Variants in AGBL1 observed in about 807,000 individuals in gnomAD.
AGBL1 encodes the protein AGBL carboxypeptidase 1.
A neutral mutation model predicts 118.9 loss-of-function variants in AGBL1; 130 were observed. The ratio of observed to expected loss-of-function variants is 1.09; its 90% CI spans 0.95 to 1.26. AGBL1 has a LOEUF of 1.26. AGBL1 is among the 50% of genes most tolerant of loss of function. The probability of loss-of-function intolerance (pLI) is 0.00; values close to 1 mark genes in which losing one functional copy is unlikely to be tolerated. For synonymous variants in AGBL1, 555 were observed against 478.9 expected (o/e 1.16, Z -2.08); for missense variants, 1,584 against 1,298.1 (o/e 1.22, Z -3.38).
rs201992775 is a variant in AGBL1 at position 86,857,683 on chromosome 15, A to G, written c.3159-49404A>G. The stretch of plus-strand genomic sequence containing the variant: ...TTTTATATACTCATGTGACTCTTTC[A>G]TTCAGACCTGGCTCCGTACTAGGCT... On this transcript the variant is annotated intron_variant, in intron 22 of 22. Transcript: ENST00000614907. 7.9e-5 allele frequency among the ~76,000 whole-genome samples: 12 copies of G among 152,272 alleles called. No individual in the cohort carries two copies. In the East Asian group the frequency reaches 2.3e-3, roughly 30 times the overall value.
chr15:86,449,277 C>T (rs1196309371), intron 18 of AGBL1, among the ~76,000 whole-genome samples: 4 of 152,120 alleles, frequency 2.6e-5, no homozygotes, highest in Admixed American at 6.6e-5. Flanking sequence ...ATGAATATAC[C>T]TTAGAAGGAT....
At chr15:86,677,514 A>T (rs977066016) in intron 22 of AGBL1, among the ~76,000 whole-genome samples, 1 of 152,140 alleles carries the variant, frequency 6.6e-6, no homozygotes, top group Non-Finnish European at 1.5e-5. Context: ...GGTCTTTTGC[A>T]AAGTCACTTA....
At chr15:86,347,589 T>A (rs2080558472) in intron 17 of AGBL1, among the ~76,000 whole-genome samples, 1 of 152,246 alleles carries the variant, frequency 6.6e-6, no homozygotes, top group Non-Finnish European at 1.5e-5. Flanking sequence ...TCCTTTCTTT[T>A]TGGTTCTGAA....
intron 1 of AGBL1, among the ~76,000 whole-genome samples, chr15:86,102,778 T>C (rs1460371936): frequency 6.6e-6 from 1 of 152,210 alleles, no homozygotes; most frequent in Non-Finnish European, 1.5e-5. Context: ...TGTTTTTGAA[T>C]TGTATCTATT....
chr15:86,616,165 C>T (rs2084718474), intron 21 of AGBL1, among the ~76,000 whole-genome samples: 2 of 151,726 alleles, frequency 1.3e-5, no homozygotes, highest in East Asian at 1.9e-4. Context: ...GGTGAAATTC[C>T]GTCTCTACTA....
chr15:86,378,388 G>A (rs2081067797), intron 17 of AGBL1, among the ~76,000 whole-genome samples: 1 of 151,768 alleles, frequency 6.6e-6, no homozygotes, highest in Non-Finnish European at 1.5e-5. Flanking sequence ...CCTTCCCATC[G>A]GCCTTCCTCT....
downstream of AGBL1, among the ~76,000 whole-genome samples, chr15:86,917,845 C>T (rs760762081): frequency 1.7e-4 from 25 of 148,700 alleles, no homozygotes; most frequent in Non-Finnish European, 2.8e-4. The surrounding 1 kb of genome is among the most constrained non-coding windows in gnomAD (Gnocchi z 4.8). Context: ...GCAAAGAGGG[C>T]CTCAGAGAAG....
chr15:86,651,935 G>A (rs953172139), intron 21 of AGBL1, among the ~76,000 whole-genome samples: 1 of 152,132 alleles, frequency 6.6e-6, no homozygotes, highest in Non-Finnish European at 1.5e-5. Flanking sequence ...AGCATAAAGT[G>A]TCATTGAGAT....
At chr15:86,878,122 T>C (rs2079838790) in intron 22 of AGBL1, among the ~76,000 whole-genome samples, 3 of 152,204 alleles carry the variant, frequency 2.0e-5, no homozygotes, top group Non-Finnish European at 2.9e-5. Flanking sequence ...AAGCAGATCC[T>C]GTGTTTGCTT....
intron 22 of AGBL1, among the ~76,000 whole-genome samples, chr15:86,722,585 A>T (rs2086743031): frequency 6.6e-6 from 1 of 152,240 alleles, no homozygotes; most frequent in Admixed American, 6.5e-5. Context: ...GCCATTCAGG[A>T]CATAGGCATG....
rs1463426127 is a variant in AGBL1, at chr15:86,622,345, A to G, written c.2995-51928A>G. On this transcript the variant is annotated intron_variant, in intron 21 of 22. Coordinates refer to ENST00000614907, the MANE Select transcript of AGBL1 (RefSeq NM_001386094.1). ...GACTCCATCTCAAAAAAAAAAAAAAAGGGGGTAGGGGGTCCACACAAAAAC... is the reference window on the plus strand; with the variant it reads ...GACTCCATCTCAAAAAAAAAAAAAAGGGGGGTAGGGGGTCCACACAAAAAC... Among the ~76,000 whole-genome samples, 156 of 149,466 alleles carry G rather than the reference A, an allele frequency of 1.0e-3. 3 individuals carry two copies. The highest frequency in any genetic ancestry group is 6.8e-3 in the Admixed American group (102 of 15,038).
intron 22 of AGBL1, among the ~76,000 whole-genome samples, chr15:86,802,567 T>C (rs1459215523): frequency 1.3e-5 from 2 of 152,164 alleles, no homozygotes; most frequent in Non-Finnish European, 2.9e-5. Flanking sequence ...ATATGTAATG[T>C]AGTAAATATG....
intron 21 of AGBL1, among the ~76,000 whole-genome samples, chr15:86,641,288 T>C (rs1304902554): frequency 2.0e-5 from 3 of 152,124 alleles, no homozygotes; most frequent in Non-Finnish European, 4.4e-5. Flanking sequence ...TTGTAAAATA[T>C]TTTGTGCACA....
At chr15:86,991,384 T>C (rs989975979) in intron 24 of AGBL1, among the ~76,000 whole-genome samples, 28 of 152,112 alleles carry the variant, frequency 1.8e-4, no homozygotes, top group African/African-American at 6.3e-4. Flanking sequence ...TTCCATCGTT[T>C]CCCCAAAAGT....
At chr15:86,428,376 A>G (rs189049311) in intron 18 of AGBL1, among the ~76,000 whole-genome samples, 8 of 152,302 alleles carry the variant, frequency 5.3e-5, no homozygotes, top group African/African-American at 1.7e-4. Flanking sequence ...GAAATATATT[A>G]AAGAGGAATA....
rs8029443 is a variant in AGBL1, at chr15:86,235,018, G to T, written c.526+10067G>T. On this transcript the variant is annotated intron_variant, in intron 6 of 22. Coordinates refer to ENST00000614907, the MANE Select transcript of AGBL1 (RefSeq NM_001386094.1). ...CGCCAGATGATAGTAAATATTTTAC[G>T]GTTTGTGGATCAGACAGTTCTGTCA... Among the ~76,000 whole-genome samples, 82 of 152,054 alleles carry T rather than the reference G, an allele frequency of 5.4e-4. 1 individual carries two copies. In the East Asian group the frequency reaches 0.014, roughly 26 times the overall value.
intron 5 of AGBL1, among the ~76,000 whole-genome samples, chr15:86,178,339 C>G (rs1193749227): frequency 6.6e-6 from 1 of 151,984 alleles, no homozygotes; most frequent in African/African-American, 2.4e-5. Context: ...AACAAAAAAT[C>G]CAATCCAGAC....
At chr15:86,757,464 T>G (rs2077958586) in intron 22 of AGBL1, among the ~76,000 whole-genome samples, 1 of 152,076 alleles carries the variant, frequency 6.6e-6, no homozygotes, top group Non-Finnish European at 1.5e-5. Context: ...TGAAAAGTAC[T>G]TTCTGTTGCC....
chr15:86,664,419 T>A (rs1207182917), intron 21 of AGBL1, among the ~76,000 whole-genome samples: 1 of 152,166 alleles, frequency 6.6e-6, no homozygotes, highest in African/African-American at 2.4e-5. Flanking sequence ...TGGGTACATG[T>A]CAAGGCAGGG....
Sources: gnomAD v4.1 joint callset for allele counts (sites outside exome capture counted in the v4.1 genomes callset) on GRCh38, gnomAD v4.1.1 for gene constraint, Gnocchi (gnomAD v3.1) non-coding constraint, MANE v1.5 for transcripts, NCBI Gene and HGNC (gene_info 2026-07-23, HGNC 2026-07-21) for gene names.